NLRP5: variants seen among roughly 807,000 people sequenced by gnomAD.
The protein encoded by NLRP5 is NACHT, LRR and PYD domains-containing protein 5.
NLRP5 carries 93 observed loss-of-function variants against 113.1 expected under a neutral mutation model. That is an observed-to-expected ratio of 0.82 (90% confidence interval 0.70 to 0.98). NLRP5 has a LOEUF of 0.98. Ranked by LOEUF, NLRP5 falls within the 50% of genes least tolerant of loss-of-function variation. NLRP5 has a pLI of 0.00. For synonymous variants in NLRP5, 751 were observed against 600.7 expected (o/e 1.25, Z -3.66); for missense variants, 1,808 against 1,514.3 (o/e 1.19, Z -3.22).
intron 9 of NLRP5, 88 bp downstream of exon 9, chr19:56,033,797 C>A: frequency 8.3e-7 from 1 of 1,206,554 alleles, no homozygotes; most frequent in African/African-American, 1.5e-5. Flanking sequence ...AATTAAAGAG[C>A]TGCAAAGATG....
rs1490145004 is a variant in NLRP5 at position 56,058,378 on chromosome 19, T to G, written c.3438T>G (p.Phe1146Leu). 6.2e-7 allele frequency: 1 copy of G among 1,613,880 alleles called. No homozygotes were observed. The change falls in exon 14 of 15, where the codon TTT becomes TTG. Residue 1146 changes from phenylalanine to leucine, a missense_variant. Physicochemically the swap from Phe to Leu is conservative, Grantham distance 22 (BLOSUM62 0). Transcript: ENST00000390649. ...GAATGATGAAGCTGTGTTCGGCCTT[T>G]GCCTGTCCCACGTCTAACTTACAGA...
chr19:56,017,263 A>G (rs986355817), intron 4 of NLRP5, among the ~76,000 whole-genome samples: 4 of 151,828 alleles, frequency 2.6e-5, no homozygotes, highest in African/African-American at 9.7e-5. Context: ...TGTTTTCTCT[A>G]TGGTATTTCC....
chr19:56,001,593 G>T (rs1011956741), intron 1 of NLRP5, among the ~76,000 whole-genome samples: 3 of 152,136 alleles, frequency 2.0e-5, no homozygotes, highest in Non-Finnish European at 4.4e-5. Context: ...GTCCCTGCAG[G>T]TCAAGGGAGT....
intron 12 of NLRP5, among the ~76,000 whole-genome samples, chr19:56,051,132 A>G (rs946094630): frequency 7.2e-5 from 11 of 152,198 alleles, no homozygotes; most frequent in African/African-American, 2.7e-4. Flanking sequence ...TTGATGTTTT[A>G]CAAAGAAAGG....
chr19:56,058,476 G>A lies in NLRP5; in HGVS notation c.3470+66G>A, dbSNP rs369304487. 1,100 of 1,436,384 alleles carry A rather than the reference G, an allele frequency of 7.7e-4. 12 individuals carry two copies. The South Asian group carries it at 0.013, about 16-fold the overall frequency. 89.0% of individuals were successfully genotyped at this position (1,436,384 alleles called of 1,614,324 possible). On this transcript the variant is annotated intron_variant, in intron 14 of 14. Transcript: ENST00000390649. ...TCTGTTCCAGGCTTGTTAGCTGGTG[G>A]AGAAGCAGTTTATGGGAAAAGTTGA... is the stretch of plus-strand genomic sequence containing the variant.
chr19:55,995,856 C>A (rs1981307708), upstream of NLRP5, among the ~76,000 whole-genome samples: 1 of 151,680 alleles, frequency 6.6e-6, no homozygotes, highest in South Asian at 2.1e-4. Context: ...ACATTGCTTT[C>A]TTTTTCAGCT....
chr19:56,000,761 A>G (rs1253489929), intron 1 of NLRP5, among the ~76,000 whole-genome samples: 1 of 150,942 alleles, frequency 6.6e-6, no homozygotes, highest in Non-Finnish European at 1.5e-5. Context: ...TAATCTCAGC[A>G]CTTTGGGAGG....
chr19:56,043,548 T>C (rs1314157983), intron 11 of NLRP5, among the ~76,000 whole-genome samples: 2 of 13,448 alleles, frequency 1.5e-4, no homozygotes, highest in East Asian at 9.5e-4. Flanking sequence ...TATTCTTTTT[T>C]TTTTTTTTTT....
At chr19:56,010,111 C>T (rs1259265827) in intron 3 of NLRP5, among the ~76,000 whole-genome samples, 3 of 152,194 alleles carry the variant, frequency 2.0e-5, no homozygotes, top group East Asian at 3.9e-4. Flanking sequence ...CCATCAGCCA[C>T]GTTAGGAGAT....
chr19:56,018,160 G>A (rs1209790616), intron 4 of NLRP5, among the ~76,000 whole-genome samples: 1 of 152,054 alleles, frequency 6.6e-6, no homozygotes, highest in Non-Finnish European at 1.5e-5. Context: ...AATAACCAAG[G>A]CGATCTAAAA....
chr19:56,001,977 G>A (rs2123264631), intron 1 of NLRP5, among the ~76,000 whole-genome samples: 1 of 152,216 alleles, frequency 6.6e-6, no homozygotes, highest in Middle Eastern at 3.4e-3. Context: ...ATAATGACAA[G>A]AAAAAAGGAA....
chr19:56,007,891 G>GTGTGTGTTTGAAACAGAGTCTTGCTCTGT (rs1378365492), intron 2 of NLRP5, among the ~76,000 whole-genome samples: 1 of 39,764 alleles, frequency 2.5e-5, no homozygotes. Flanking sequence ...GTGTGTGTGC[G>GTGTGTGTTTGAAACAGAGTCTTGCTCTGT]CGTGCGCGCG....
chr19:56,011,565 TGAC>T (rs1982193699), intron 3 of NLRP5, among the ~76,000 whole-genome samples: 1 of 152,078 alleles, frequency 6.6e-6, no homozygotes, highest in Non-Finnish European at 1.5e-5. Flanking sequence ...ATCGTACGTA[TGAC>T]GACTACAAAG....
chr19:56,047,885 T>C (rs1983786227), intron 11 of NLRP5, among the ~76,000 whole-genome samples: 1 of 152,214 alleles, frequency 6.6e-6, no homozygotes, highest in South Asian at 2.1e-4. Context: ...TAGCAATTGT[T>C]TTATGAATTT....
chr19:55,994,213 T>C, the NLRP5 span, among the ~76,000 whole-genome samples: 4,266 of 152,242 alleles, frequency 0.028, 93 homozygotes, highest in Middle Eastern at 0.051. Flanking sequence ...TGATGAGTAA[T>C]GTTGAATCTT....
intron 1 of NLRP5, 169 bp from the exon 2 acceptor site, chr19:56,003,567 A>G (rs1339569988): frequency 1.3e-6 from 1 of 781,198 alleles, no homozygotes; most frequent in African/African-American, 1.7e-5. Context: ...AAAATGTCCC[A>G]GCACTGATGT....
chr19:56,061,639 T>A lies in NLRP5; in HGVS notation c.*111T>A. 8.3e-7 allele frequency: 1 copy of A among 1,210,430 alleles called. No individual in the cohort carries two copies. The highest frequency in any genetic ancestry group is 1.2e-6 in the Non-Finnish European group (1 of 837,358). The allele number at this position is 1,210,430 out of a possible 1,614,324, so 75.0% of individuals were successfully genotyped here. ...TTCCTTCTCAAAGATGGAGAATGAT[T>A]TCTGATTCTCACAAAGCCCTCAATG... On this transcript the variant is annotated 3_prime_UTR_variant, in exon 15 of 15. Transcript: ENST00000390649.
chr19:56,003,593 A>G (rs1981737327), intron 1 of NLRP5, 143 bp from the exon 2 acceptor site: 1 of 964,566 alleles, frequency 1.0e-6, no homozygotes, highest in Non-Finnish European at 1.5e-6. Flanking sequence ...AATAGGATAA[A>G]CAGATATTGT....
Position 56,032,735 on chromosome 19 carries a change from C to G in NLRP5, c.2401C>G (p.Leu801Val). 6.2e-7 allele frequency: 1 copy of G among 1,612,786 alleles called. No homozygotes were observed. The change falls in exon 8 of 15, where the codon CTG becomes GTG. Residue 801 changes from leucine (L) to valine (V), a missense_variant. Transcript: ENST00000390649. ...CCTGACAGAGCGGGCCATGAAGACC[C>G]TGTGTGCCAAGCTGAGGCATCCCAC...
Sources: allele counts gnomAD v4.1 joint callset (sites outside exome capture counted in the v4.1 genomes callset), GRCh38; gene constraint gnomAD v4.1.1; transcripts MANE v1.5; gene names NCBI Gene and HGNC (gene_info 2026-07-23, HGNC 2026-07-21).